The following IPCEF1 variants were observed in gnomAD, a reference collection of about 807,000 sequenced individuals.
The protein encoded by IPCEF1 is interactor protein for cytohesin exchange factors 1.
IPCEF1 carries 31 observed loss-of-function variants against 50.9 expected under a neutral mutation model. The ratio of observed to expected loss-of-function variants is 0.61; its 90% confidence interval spans 0.46 to 0.82. The LOEUF (loss-of-function observed/expected upper bound fraction) is 0.82. Ranked by LOEUF, IPCEF1 falls within the 40% of genes least tolerant of loss-of-function variation. The pLI, the probability that IPCEF1 is intolerant of heterozygous loss-of-function variation, is 0.00. For synonymous variants in IPCEF1, 181 were observed against 192.0 expected, an observed-to-expected ratio of 0.94 and a Z score of 0.47; for missense variants, 458 against 514.0, an observed-to-expected ratio of 0.89 and a Z score of 1.05.
intron 1 of IPCEF1, among the ~76,000 whole-genome samples, chr6:154,343,729 G>C (rs1783966349): frequency 6.6e-6 from 1 of 152,254 alleles, no homozygotes; most frequent in Admixed American, 6.5e-5. Context: ...GAGAGGAAAA[G>C]AGGTCCTTGG....
At chr6:154,163,465 C>T (rs943641642) in intron 11 of IPCEF1, among the ~76,000 whole-genome samples, 1 of 152,170 alleles carries the variant, frequency 6.6e-6, no homozygotes, top group Admixed American at 6.5e-5. Flanking sequence ...GTTCTATCCC[C>T]TTTTCTATTC....
intron 1 of IPCEF1, among the ~76,000 whole-genome samples, chr6:154,321,268 A>G (rs1783367862): frequency 1.3e-5 from 2 of 152,132 alleles, no homozygotes; most frequent in African/African-American, 4.8e-5. Flanking sequence ...CCTTTGAACA[A>G]TATTACCTTT....
At position 154,272,499 on chromosome 6, in the gene IPCEF1, TG is replaced by T. The variant is rs1781924172; in HGVS notation, c.-17-6536del. 2.0e-5 allele frequency among the ~76,000 whole-genome samples: 3 copies of T among 152,194 alleles called. No individual in the cohort carries two copies. The South Asian group carries it at 6.2e-4, about 31-fold the overall frequency. On this transcript the variant is annotated intron_variant, in intron 2 of 11. Transcript: ENST00000367220. ...AACAATTTCTTAACAAACTACAACA[TG>T]AAACATAGCCAAACCAATGAAATCA...
At chr6:154,279,376 G>A (rs1782151611) in intron 2 of IPCEF1, among the ~76,000 whole-genome samples, 1 of 152,160 alleles carries the variant, frequency 6.6e-6, no homozygotes, top group Non-Finnish European at 1.5e-5. Flanking sequence ...TTCATTCATT[G>A]GAAGACTCAA....
chr6:154,279,763 T>C (rs1392491210), intron 2 of IPCEF1, among the ~76,000 whole-genome samples: 1 of 152,158 alleles, frequency 6.6e-6, no homozygotes, highest in African/African-American at 2.4e-5. Context: ...GCCATACATA[T>C]AACATGCATG....
chr6:154,302,794 C>T (rs552869955), intron 1 of IPCEF1, among the ~76,000 whole-genome samples: 1 of 152,086 alleles, frequency 6.6e-6, no homozygotes, highest in East Asian at 1.9e-4. Context: ...GATTTTTCAT[C>T]TGAAAAGTGA....
chr6:154,234,034 C>T (rs1021391564), intron 5 of IPCEF1, among the ~76,000 whole-genome samples: 2 of 152,094 alleles, frequency 1.3e-5, no homozygotes, highest in African/African-American at 4.8e-5. Context: ...CACAGTGAGA[C>T]ATCTGTCTTA....
chr6:154,266,560 CTATATATA>C (rs34187257), intron 2 of IPCEF1, among the ~76,000 whole-genome samples: 17 of 134,820 alleles, frequency 1.3e-4, no homozygotes, highest in African/African-American at 3.0e-4. Flanking sequence ...CTTAATATTA[CTATATATA>C]TATATATATA....
At position 154,212,699 on chromosome 6, in the gene IPCEF1, C is replaced by T. The variant is rs1026452596; in HGVS notation, c.537+71G>A. On this transcript the variant is annotated intron_variant, in intron 9 of 11. Coordinates refer to ENST00000367220, the MANE Select transcript of IPCEF1 (RefSeq NM_001130700.2). The stretch of plus-strand genomic sequence containing the variant: ...AAAAATTTATTGGTCAAGCTACTTC[C>T]TATTCAATTGGAAGAAATGACATCC... 57 of 1,029,178 alleles carry T rather than the reference C, an allele frequency of 5.5e-5. No homozygotes were observed. The East Asian group carries it at 1.4e-3, about 24-fold the overall frequency. 63.8% of individuals were successfully genotyped at this position (1,029,178 alleles called of 1,614,324 possible).
intron 1 of IPCEF1, among the ~76,000 whole-genome samples, chr6:154,335,614 T>C (rs61580511): frequency 0.028 from 4,250 of 152,048 alleles, 218 homozygotes; most frequent in African/African-American, 0.098. Context: ...GGTGAGAGGA[T>C]TGCTTGAGCC....
intron 5 of IPCEF1, among the ~76,000 whole-genome samples, chr6:154,241,310 G>T (rs1780573437): frequency 6.6e-6 from 1 of 151,508 alleles, no homozygotes; most frequent in Non-Finnish European, 1.5e-5. Context: ...AAGGCTCAGG[G>T]GCCTCAAGCT....
chr6:154,176,702 C>G (rs1800364142), intron 10 of IPCEF1, among the ~76,000 whole-genome samples: 1 of 152,202 alleles, frequency 6.6e-6, no homozygotes. Flanking sequence ...ATTCCATGCT[C>G]ATGGATAGGA....
Position 154,205,250 on chromosome 6 carries a change from C to A in IPCEF1, c.538-5210G>T, listed in dbSNP as rs1446773103. On this transcript the variant is annotated intron_variant, in intron 9 of 11. Coordinates refer to ENST00000367220, the MANE Select transcript of IPCEF1 (RefSeq NM_001130700.2). ...CTCAAGATGCTCAAGGGAGAAGACACCATCTAGTTCCATTCAGCATCCCTG... is the reference window on the plus strand; with the variant it reads ...CTCAAGATGCTCAAGGGAGAAGACAACATCTAGTTCCATTCAGCATCCCTG... Among the ~76,000 whole-genome samples, 7 of 152,148 alleles carry A rather than the reference C, an allele frequency of 4.6e-5. No individual in the cohort carries two copies. The East Asian group carries it at 5.8e-4, about 13-fold the overall frequency.
Position 154,240,914 on chromosome 6 carries a change from C to T in IPCEF1, c.246+5677G>A, listed in dbSNP as rs143380034. 3.4e-3 allele frequency among the ~76,000 whole-genome samples: 522 copies of T among 152,162 alleles called. 3 individuals are homozygous for T. Among genetic ancestry groups the T allele is most frequent in the African/African-American group, 0.012 (498 of 41,524 alleles). On this transcript the variant is annotated intron_variant, in intron 5 of 11. Coordinates refer to ENST00000367220, the MANE Select transcript of IPCEF1 (RefSeq NM_001130700.2). The stretch of plus-strand genomic sequence containing the variant: ...ACAAAACCAGATATTAACCTACAAA[C>T]CTCTTCAGTTTGTCTAAAGTTTTTA...
chr6:154,337,263 G>A (rs147922683), intron 1 of IPCEF1, among the ~76,000 whole-genome samples: 2 of 152,214 alleles, frequency 1.3e-5, no homozygotes, highest in Admixed American at 6.5e-5. Context: ...GAGCAAAAGC[G>A]GAAAGAAAAA....
At chr6:154,269,088 TGCTGTGTCC>T (rs1394699463) in intron 2 of IPCEF1, among the ~76,000 whole-genome samples, 5 of 152,200 alleles carry the variant, frequency 3.3e-5, no homozygotes, top group Non-Finnish European at 7.3e-5. Flanking sequence ...ACTTATTTGC[TGCTGTGTCC>T]TCAGTCTCTG....
At chr6:154,230,890 A>G (rs1009234722) in intron 5 of IPCEF1, among the ~76,000 whole-genome samples, 2 of 152,206 alleles carry the variant, frequency 1.3e-5, no homozygotes, top group African/African-American at 4.8e-5. Flanking sequence ...AACAGCTAAA[A>G]AAATTTCTTT....
At chr6:154,176,796 T>C (rs1800371963) in intron 10 of IPCEF1, among the ~76,000 whole-genome samples, 2 of 152,110 alleles carry the variant, frequency 1.3e-5, no homozygotes, top group South Asian at 2.1e-4. Flanking sequence ...CTTCACAGAA[T>C]TGGAAAAAAC....
At chr6:154,288,829 C>T (rs773429663) in intron 2 of IPCEF1, among the ~76,000 whole-genome samples, 2 of 151,936 alleles carry the variant, frequency 1.3e-5, no homozygotes, top group Non-Finnish European at 2.9e-5. Flanking sequence ...TTTGGGAGGC[C>T]GAGGCAAGAA....
Sources: allele counts gnomAD v4.1 joint callset (sites outside exome capture counted in the v4.1 genomes callset), GRCh38; gene constraint gnomAD v4.1.1; transcripts MANE v1.5; gene names NCBI Gene and HGNC (gene_info 2026-07-23, HGNC 2026-07-21).